The following COL23A1 variants were observed in gnomAD, a reference collection of about 807,000 sequenced individuals.
COL23A1 encodes collagen type XXIII alpha 1 chain.
COL23A1 carries 97 observed loss-of-function variants against 99.3 expected under a neutral mutation model. The ratio of observed to expected loss-of-function variants is 0.98; its 90% confidence interval spans 0.83 to 1.16. The LOEUF (loss-of-function observed/expected upper bound fraction) is 1.16. Among genes scored for constraint, COL23A1 ranks in the 50% most tolerant of loss-of-function variants. The pLI is 0.00. For synonymous variants in COL23A1, 320 were observed against 308.2 expected (o/e 1.04, Z -0.40); for missense variants, 762 against 757.4 (o/e 1.01, Z -0.07).
At chr5:178,370,158 T>G (rs1331590341) in intron 2 of COL23A1, among the ~76,000 whole-genome samples, 1 of 152,244 alleles carries the variant, frequency 6.6e-6, no homozygotes, top group Non-Finnish European at 1.5e-5. Context: ...TCTTGAGATG[T>G]GCAGTCTGGA....
chr5:178,246,735 G>T lies in COL23A1; in HGVS notation c.1297-282C>A, dbSNP rs117254498. ...GCAGGTGCAGACGGGGGGCGGGGGGGGGGGGACAGGCCCAGCCACACAGCG... is the reference window on the plus strand; with the variant it reads ...GCAGGTGCAGACGGGGGGCGGGGGGTGGGGGACAGGCCCAGCCACACAGCG... On this transcript the variant is annotated intron_variant, in intron 22 of 28. Coordinates refer to ENST00000390654, the MANE Select transcript of COL23A1 (RefSeq NM_173465.4). Among the ~76,000 whole-genome samples, 43 of 83,054 alleles carry T rather than the reference G, an allele frequency of 5.2e-4. No individual in the cohort carries two copies. In the East Asian group the frequency reaches 0.01, roughly 20 times the overall value. The allele number at this position is 83,054 out of a possible 152,430, so 54.5% of individuals were successfully genotyped here.
chr5:178,307,056 G>GTCTGC lies in COL23A1; in HGVS notation c.362-138_362-137insGCAGA. 1 of 558,552 alleles carries GTCTGC rather than the reference G, an allele frequency of 1.8e-6. No individual in the cohort carries two copies. Among genetic ancestry groups the GTCTGC allele is most frequent in the South Asian group, 3.0e-5 (1 of 33,726 alleles). 34.6% of individuals were successfully genotyped at this position (558,552 alleles called of 1,614,324 possible). On this transcript the variant is annotated intron_variant, in intron 2 of 28. Coordinates refer to ENST00000390654, the MANE Select transcript of COL23A1 (RefSeq NM_173465.4). This position sits in a 1 kb window ranked among gnomAD's most constrained non-coding sequence, Gnocchi z 4.2. The stretch of plus-strand genomic sequence containing the variant: ...GCCTGCCCGAGGGGGTCTGCTGGCT[G>GTCTGC]TGGAGGGGGAGATGCGTGGGGAGAA...
At chr5:178,374,146 G>A (rs1425052031) in intron 2 of COL23A1, among the ~76,000 whole-genome samples, 1 of 152,196 alleles carries the variant, frequency 6.6e-6, no homozygotes, top group East Asian at 1.9e-4. Flanking sequence ...AAGGCTATCT[G>A]CTGAATAGAT....
rs1016225451 is a variant in COL23A1, at chr5:178,309,016, G to A, written c.362-2097C>T. Reference sequence around the variant, plus strand: ...TCGGCCCAGCGAAGCAGTAGGCCCCGGGCCCCAGGCAGAGTGAGGGGGCAT... The same window carrying A: ...TCGGCCCAGCGAAGCAGTAGGCCCCAGGCCCCAGGCAGAGTGAGGGGGCAT... On this transcript the variant is annotated intron_variant, in intron 2 of 28. Transcript: ENST00000390654. This position sits in a 1 kb window ranked among gnomAD's most constrained non-coding sequence, Gnocchi z 4.7. 4.6e-5 allele frequency among the ~76,000 whole-genome samples: 7 copies of A among 152,206 alleles called. No individual in the cohort carries two copies. In the South Asian group the frequency reaches 6.2e-4, roughly 14 times the overall value.
At chr5:178,256,996 C>G (rs537772584) in intron 13 of COL23A1, 68 bp from the exon 14 acceptor site, 20 of 1,487,448 alleles carry the variant, frequency 1.3e-5, no homozygotes, top group Non-Finnish European at 1.8e-5. Flanking sequence ...TGGAGGGGGG[C>G]GTGCCTCGGG....
Position 178,255,886 on chromosome 5 carries a change from C to A in COL23A1, c.882+467G>T. ...GAGCCGAGGCCAGGATCCCGGACGTCACCCTAAAGGTAAGGTATGTTGATA... is the reference window on the plus strand; with the variant it reads ...GAGCCGAGGCCAGGATCCCGGACGTAACCCTAAAGGTAAGGTATGTTGATA... On this transcript the variant is annotated intron_variant, in intron 15 of 28. Transcript: ENST00000390654. The surrounding 1 kb of genome is among the most constrained non-coding windows in gnomAD (Gnocchi z 4.2). The A allele has an allele frequency of 2.6e-6, 1 of 385,548 alleles. No homozygotes were observed. Among genetic ancestry groups the A allele is most frequent in the Non-Finnish European group, 5.3e-6 (1 of 187,282 alleles). The allele number at this position is 385,548 out of a possible 1,614,324, so 23.9% of individuals were successfully genotyped here.
chr5:178,294,047 C>T (rs980781994), intron 3 of COL23A1, among the ~76,000 whole-genome samples: 2 of 151,964 alleles, frequency 1.3e-5, no homozygotes, highest in Admixed American at 6.5e-5. Flanking sequence ...GGTGGGTGCA[C>T]GTGGGATCAG....
intron 2 of COL23A1, among the ~76,000 whole-genome samples, chr5:178,516,867 A>C (rs971521083): frequency 1.3e-5 from 2 of 152,170 alleles, no homozygotes; most frequent in Non-Finnish European, 2.9e-5. Context: ...GTAGTTAAAT[A>C]AGAGGAGGAG....
At chr5:178,334,576 C>T (rs575124643) in intron 2 of COL23A1, among the ~76,000 whole-genome samples, 6 of 152,186 alleles carry the variant, frequency 3.9e-5, no homozygotes, top group African/African-American at 9.7e-5. Flanking sequence ...TGTTACCTAG[C>T]GGCACCCATG....
intron 2 of COL23A1, among the ~76,000 whole-genome samples, chr5:178,360,713 C>T (rs556429982): frequency 1.3e-5 from 2 of 152,170 alleles, no homozygotes; most frequent in Admixed American, 1.3e-4. Context: ...CATGGCACAC[C>T]TGGTCATGGA....
At chr5:178,339,382 C>T (rs1760528056) in intron 2 of COL23A1, among the ~76,000 whole-genome samples, 1 of 152,244 alleles carries the variant, frequency 6.6e-6, no homozygotes, top group South Asian at 2.1e-4. Context: ...TCCCTCTGCA[C>T]TAAGACTCCC....
In COL23A1 at chr5:178,324,501, T is replaced by C. The variant is rs889437471; in HGVS notation, c.362-17582A>G. On this transcript the variant is annotated intron_variant, in intron 2 of 28. Coordinates refer to ENST00000390654, the MANE Select transcript of COL23A1 (RefSeq NM_173465.4). ...TACAATGACCACGACCGCTGCTGCG[T>C]GGGGTGTGCTTACGGAGCAGTGCCC... is the stretch of plus-strand genomic sequence containing the variant. 8.3e-4 allele frequency among the ~76,000 whole-genome samples: 127 copies of C among 152,222 alleles called. 2 individuals are homozygous for C. Among genetic ancestry groups the C allele is most frequent in the African/African-American group, 3.0e-3 (124 of 41,556 alleles).
intron 2 of COL23A1, among the ~76,000 whole-genome samples, chr5:178,491,697 C>G: frequency 6.6e-6 from 1 of 151,932 alleles, no homozygotes; most frequent in South Asian, 2.1e-4. Context: ...AATGAAACAT[C>G]TTGATTTTTT....
chr5:178,290,311 A>C (rs1298317646), intron 4 of COL23A1, 51 bp downstream of exon 4: 6 of 1,613,460 alleles, frequency 3.7e-6, no homozygotes, highest in African/African-American at 1.3e-5. Context: ...ACAGAGAGAG[A>C]ACCAAACATC....
intron 2 of COL23A1, among the ~76,000 whole-genome samples, chr5:178,321,839 T>A (rs13160045): frequency 2.0e-5 from 3 of 149,146 alleles, no homozygotes; most frequent in African/African-American, 7.4e-5. Flanking sequence ...ATGGATAGAC[T>A]ACGTTTACTC....
chr5:178,337,748 G>A lies in COL23A1; in HGVS notation c.362-30829C>T, dbSNP rs112809584. ...CTCCACAGACACCCCCCATCTTCCT[G>A]GCACGAAAGCATCACTCACTGTCCA... On this transcript the variant is annotated intron_variant, in intron 2 of 28. Transcript: ENST00000390654. Among the ~76,000 whole-genome samples the A allele has an allele frequency of 8.9e-3, 1,348 of 152,188 alleles. 24 individuals carry two copies. The highest frequency in any genetic ancestry group is 0.031 in the African/African-American group (1,283 of 41,500).
intron 2 of COL23A1, among the ~76,000 whole-genome samples, chr5:178,377,242 T>A (rs547069617): frequency 6.6e-6 from 1 of 152,310 alleles, no homozygotes; most frequent in Admixed American, 6.5e-5. Context: ...GGGCTGGTGT[T>A]TCACATCTGT....
At chr5:178,578,603 T>C (rs921547516) in intron 1 of COL23A1, among the ~76,000 whole-genome samples, 6 of 152,204 alleles carry the variant, frequency 3.9e-5, no homozygotes, top group Non-Finnish European at 8.8e-5. Context: ...AGCTCAGAGT[T>C]GGAAACAAAT....
At chr5:178,298,020 C>T (rs1420733825) in intron 3 of COL23A1, among the ~76,000 whole-genome samples, 1 of 152,198 alleles carries the variant, frequency 6.6e-6, no homozygotes, top group Non-Finnish European at 1.5e-5. Context: ...GGCTGCAGGG[C>T]TTCCAGGTGA....
Sources: gnomAD v4.1 joint callset for allele counts (sites outside exome capture counted in the v4.1 genomes callset) on GRCh38, gnomAD v4.1.1 for gene constraint, Gnocchi (gnomAD v3.1) non-coding constraint, MANE v1.5 for transcripts, NCBI Gene and HGNC (gene_info 2026-07-23, HGNC 2026-07-21) for gene names.